Variants in COQ8A observed in about 807,000 individuals in gnomAD.
COQ8A encodes the protein atypical kinase COQ8A, mitochondrial.
Under a neutral mutation model 65.0 loss-of-function variants are expected in COQ8A, and 51 were observed. That is an observed-to-expected ratio of 0.78 (90% confidence interval 0.63 to 0.99). The LOEUF is 0.99. COQ8A is among the 50% of genes least tolerant of loss of function. COQ8A has a pLI of 0.00. For missense variants in COQ8A, 940 were observed against 875.0 expected (o/e 1.07, Z -0.94); for synonymous variants, 371 against 353.2 (o/e 1.05, Z -0.57).
Position 226,983,011 on chromosome 1 carries a change from C to T in COQ8A, c.1057C>T (p.Arg353Cys), listed in dbSNP as rs373083392. Residue 353 changes from arginine to cysteine, a missense_variant, in exon 8 of 15, where the codon CGC becomes TGC. Coordinates refer to ENST00000366777, the MANE Select transcript of COQ8A (RefSeq NM_020247.5). ...GCACTTGGCCCGAATGAAGGGCGGCCGCGAGGTGGCCATGAAGATCCAGGT... is the reference window on the plus strand; with the variant it reads ...GCACTTGGCCCGAATGAAGGGCGGCTGCGAGGTGGCCATGAAGATCCAGGT... ...QVHLARMKGG[R>C]EVAMKIQYPG... 1.6e-4 allele frequency: 249 copies of T among 1,591,862 alleles called. 2 individuals are homozygous for T. The highest frequency in any genetic ancestry group is 1.0e-3 in the East Asian group (44 of 43,462).
rs536026781 is a variant in COQ8A, at chr1:226,986,349, G to A, written c.1660-104G>A. On this transcript the variant is annotated intron_variant, in intron 14 of 14. Transcript: ENST00000366777. ...CCATGATGTAATCCAGTTTACAGCA[G>A]AGCTTTGAATGAGAACTCAGCGCCC... 172 of 1,306,870 alleles carry A rather than the reference G, an allele frequency of 1.3e-4. 1 individual carries two copies. In the South Asian group the frequency reaches 2.0e-3, roughly 15 times the overall value. 81.0% of individuals were successfully genotyped at this position (1,306,870 alleles called of 1,614,324 possible). A position where few individuals can be genotyped will look rare whatever the true frequency, so the allele number is the denominator to read the frequency against.
At chr1:226,984,376 T>C (rs1391284868) in intron 11 of COQ8A, 141 bp downstream of exon 11, 3 of 1,381,758 alleles carry the variant, frequency 2.2e-6, no homozygotes, top group Non-Finnish European at 2.0e-6. Flanking sequence ...CCAGTGGGAC[T>C]TAGGGGGACA....
intron 4 of COQ8A, among the ~76,000 whole-genome samples, chr1:226,976,182 GC>G (rs1659197266): frequency 2.1e-4 from 6 of 28,566 alleles, no homozygotes; most frequent in Non-Finnish European, 6.4e-4. Flanking sequence ...CTGCGGGGCT[GC>G]GGGACTGCGG....
At position 226,983,977 on chromosome 1, in the gene COQ8A, G is replaced by A. The variant is rs982573678; in HGVS notation, c.1257-117G>A. 108 of 1,513,618 alleles carry A rather than the reference G, an allele frequency of 7.1e-5. 1 individual carries two copies. The highest frequency in any genetic ancestry group is 2.8e-5 in the African/African-American group (2 of 71,632). The allele number at this position is 1,513,618 out of a possible 1,614,324, so 93.8% of individuals were successfully genotyped here. A position where few individuals can be genotyped will look rare whatever the true frequency, so the allele number is the denominator to read the frequency against. On this transcript the variant is annotated intron_variant, in intron 10 of 14. Transcript: ENST00000366777. ...GAGGGCTGGGGTTGCAGCCTGGGCC[G>A]AGGCCATATCCTGCCTGGGGTGAAG...
At chr1:226,985,758 A>G (rs1660067903) in intron 14 of COQ8A, among the ~76,000 whole-genome samples, 1 of 152,178 alleles carries the variant, frequency 6.6e-6, no homozygotes, top group Non-Finnish European at 1.5e-5. Context: ...GCCACCCACA[A>G]AGTGGCATTT....
chr1:226,975,789 C>T (rs1458743064), intron 4 of COQ8A, among the ~76,000 whole-genome samples: 5 of 152,118 alleles, frequency 3.3e-5, no homozygotes, highest in Admixed American at 2.6e-4. Context: ...CTGCTGGGGA[C>T]GTGGAGGGTG....
chr1:226,950,522 C>T (rs2148013134), intron 1 of COQ8A, among the ~76,000 whole-genome samples: 1 of 152,370 alleles, frequency 6.6e-6, no homozygotes, highest in South Asian at 2.1e-4. Context: ...CTTAACCACT[C>T]TGTGCCTTAG....
At chr1:226,968,635 G>C (rs1012568848) in intron 4 of COQ8A, among the ~76,000 whole-genome samples, 4 of 152,146 alleles carry the variant, frequency 2.6e-5, no homozygotes, top group Non-Finnish European at 4.4e-5. Flanking sequence ...TTTACACGGG[G>C]TTATGAAGGA....
chr1:226,968,582 G>A (rs887325782), intron 4 of COQ8A, among the ~76,000 whole-genome samples: 1 of 152,152 alleles, frequency 6.6e-6, no homozygotes, highest in Non-Finnish European at 1.5e-5. Context: ...CTTCATGGAG[G>A]AAAGGTGTTT....
rs576536253 is a variant in COQ8A at position 226,946,497 on chromosome 1, G to A, written c.-10+6098G>A. On this transcript the variant is annotated intron_variant, in intron 1 of 14. Coordinates refer to ENST00000366777, the MANE Select transcript of COQ8A (RefSeq NM_020247.5). The surrounding 1 kb of genome is among the most constrained non-coding windows in gnomAD (Gnocchi z 5.3). ...GGTGTCTGGGGCTCCACAGTGAAGG[G>A]CCTTGCTGGCCAGGCCAGACCAGGG... is the stretch of plus-strand genomic sequence containing the variant. Among the ~76,000 whole-genome samples the A allele has an allele frequency of 5.9e-5, 9 of 152,262 alleles. No homozygotes were observed. Among genetic ancestry groups the A allele is most frequent in the African/African-American group, 2.2e-4 (9 of 41,548 alleles).
At chr1:226,984,013 T>C in intron 10 of COQ8A, 81 bp from the exon 11 acceptor site, 3 of 1,382,402 alleles carry the variant, frequency 2.2e-6, no homozygotes, top group Non-Finnish European at 2.9e-6. Context: ...GAGGGCCCTC[T>C]GCCTGGTTGG....
chr1:226,983,878 T>C (rs2148131603), intron 10 of COQ8A, 24 bp downstream of exon 10: 2 of 1,581,568 alleles, frequency 1.3e-6, no homozygotes, highest in East Asian at 4.5e-5. Context: ...CCGGGCCCCT[T>C]GCGTGTTTGC....
intron 1 of COQ8A, among the ~76,000 whole-genome samples, chr1:226,960,391 AGTG>A (rs369983675): frequency 0.066 from 369 of 5,622 alleles, 46 homozygotes; most frequent in East Asian, 0.26. Flanking sequence ...TGGTGGTGTC[AGTG>A]GTGGTACTTG....
intron 1 of COQ8A, among the ~76,000 whole-genome samples, chr1:226,953,666 T>C (rs923212894): frequency 6.6e-6 from 1 of 152,198 alleles, no homozygotes; most frequent in Non-Finnish European, 1.5e-5. Context: ...TTTTTCCCTC[T>C]TTCTCATCTC....
intron 2 of COQ8A, among the ~76,000 whole-genome samples, chr1:226,963,112 T>C (rs1211817703): frequency 1.3e-5 from 2 of 152,156 alleles, no homozygotes; most frequent in Non-Finnish European, 2.9e-5. Context: ...GAGCAGGGCC[T>C]CCTACTCGGG....
chr1:226,942,212 C>G (rs1656748183), intron 1 of COQ8A, among the ~76,000 whole-genome samples: 1 of 152,064 alleles, frequency 6.6e-6, no homozygotes, highest in Admixed American at 6.6e-5. Context: ...CCAGGGGTCC[C>G]TCTGGGACCT....
chr1:226,983,066 A>G (rs991614848), intron 8 of COQ8A, 32 bp downstream of exon 8: 20 of 1,564,766 alleles, frequency 1.3e-5, no homozygotes, highest in East Asian at 2.4e-5. Flanking sequence ...GCCTGTCCCT[A>G]TGGGGGCTGC....
intron 4 of COQ8A, among the ~76,000 whole-genome samples, chr1:226,969,885 A>G (rs1330961013): frequency 1.3e-5 from 2 of 152,124 alleles, no homozygotes; most frequent in African/African-American, 4.8e-5. Context: ...TTTGTTTACT[A>G]TTTGACCTGT....
Position 226,982,996 on chromosome 1 carries a change from C to T in COQ8A, c.1042C>T (p.Arg348Ter), listed in dbSNP as rs771578775. 59 of 1,598,866 alleles carry T rather than the reference C, an allele frequency of 3.7e-5. No homozygotes were observed. The highest frequency in any genetic ancestry group is 6.9e-5 in the Admixed American group (4 of 57,996). ...ATCCATTGGGCAGGTGCACTTGGCC[C>T]GAATGAAGGGCGGCCGCGAGGTGGC... ...AASIGQVHLA[R>*]MKGGREVAMK... is the part of the protein sequence containing the mutation. The change falls in exon 8 of 15, where the codon CGA (arginine) becomes TGA (stop). Residue 348 changes from arginine (R) to a stop codon, truncating the protein, a stop_gained. Coordinates refer to ENST00000366777, the MANE Select transcript of COQ8A (RefSeq NM_020247.5). LOFTEE classifies it high-confidence loss of function.
Sources: gnomAD v4.1 joint callset for allele counts (sites outside exome capture counted in the v4.1 genomes callset) on GRCh38, gnomAD v4.1.1 for gene constraint, Gnocchi (gnomAD v3.1) non-coding constraint, MANE v1.5 for transcripts, NCBI Gene and HGNC (gene_info 2026-07-23, HGNC 2026-07-21) for gene names.